Variants in MARCHF8 observed in about 807,000 individuals in gnomAD.
MARCHF8 encodes the protein E3 ubiquitin-protein ligase MARCHF8.
In MARCHF8, 40 loss-of-function variants were observed where a neutral mutation model predicts 51.6. The observed-to-expected ratio is 0.77, with a 90% CI of 0.60 to 1.01. The LOEUF (loss-of-function observed/expected upper bound fraction) is 1.01, where lower values mean the gene tolerates loss of function less well. Among genes scored for constraint, MARCHF8 ranks in the 50% least tolerant of loss-of-function variants. The probability of loss-of-function intolerance (pLI) is 0.00; values close to 1 mark genes in which losing one functional copy is unlikely to be tolerated. For missense variants in MARCHF8, 685 were observed against 708.6 expected, an observed-to-expected ratio of 0.97 and a Z score of 0.38; for synonymous variants, 263 against 280.3, an observed-to-expected ratio of 0.94 and a Z score of 0.62.
At chr10:45,517,316 A>G (rs1386539935) in intron 2 of MARCHF8, among the ~76,000 whole-genome samples, 2 of 152,230 alleles carry the variant, frequency 1.3e-5, no homozygotes, top group Non-Finnish European at 2.9e-5. Context: ...AGGGCTCAAA[A>G]TAGTTTGGAT....
chr10:45,586,280 T>G (rs1262986589), intron 1 of MARCHF8, among the ~76,000 whole-genome samples: 1 of 152,156 alleles, frequency 6.6e-6, no homozygotes, highest in Non-Finnish European at 1.5e-5. Context: ...GTTTTGGTGG[T>G]TCTAGAATTA....
intron 2 of MARCHF8, among the ~76,000 whole-genome samples, chr10:45,521,373 C>G (rs992114505): frequency 6.6e-6 from 1 of 152,178 alleles, no homozygotes; most frequent in African/African-American, 2.4e-5. Context: ...TAGAACAATG[C>G]AGCATAGCAA....
chr10:45,476,499 T>C (rs1256052888), intron 3 of MARCHF8, among the ~76,000 whole-genome samples: 4 of 152,158 alleles, frequency 2.6e-5, no homozygotes, highest in African/African-American at 9.7e-5. Flanking sequence ...GCACAGGAGT[T>C]GGAAGCTGCA....
At position 45,463,994 on chromosome 10, in the gene MARCHF8, G is replaced by T; in HGVS notation, c.245C>A (p.Ser82Tyr). Residue 82 changes from serine (S) to tyrosine (Y), a missense_variant and splice_region_variant, in exon 5 of 8, where the codon TCC becomes TAC. Physicochemically the swap from Ser to Tyr is moderately radical, Grantham distance 144. Coordinates refer to ENST00000453424, the MANE Select transcript of MARCHF8 (RefSeq NM_001282866.2). The stretch of plus-strand genomic sequence containing the variant: ...ACAACACTCAGAAAACACTGCACTG[G>T]AACTGCATGCAGAACAGTGGGATAA... ...ITPSSQDICSSSAVFSECCHH... is the reference protein window; with the variant it reads ...ITPSSQDICSYSAVFSECCHH... The T allele has an allele frequency of 6.5e-7, 1 of 1,533,880 alleles. No homozygotes were observed. The highest frequency in any genetic ancestry group is 1.2e-5 in the South Asian group (1 of 83,660).
chr10:45,492,279 C>T (rs907382072), intron 2 of MARCHF8, among the ~76,000 whole-genome samples: 5 of 150,812 alleles, frequency 3.3e-5, no homozygotes, highest in African/African-American at 9.8e-5. Flanking sequence ...TGCTCTTTTT[C>T]TTCTTCTTCT....
chr10:45,485,537 G>A (rs12773979), intron 3 of MARCHF8, among the ~76,000 whole-genome samples: 2,087 of 152,258 alleles, frequency 0.014, 26 homozygotes, highest in Middle Eastern at 0.017. Flanking sequence ...AGCCACCACA[G>A]ACCTAGCAGC....
At chr10:45,517,030 T>C (rs550562226) in intron 2 of MARCHF8, among the ~76,000 whole-genome samples, 1 of 152,284 alleles carries the variant, frequency 6.6e-6, no homozygotes, top group African/African-American at 2.4e-5. Flanking sequence ...GAACACTGGA[T>C]TGTAAAAGCA....
rs533650000 is a variant in MARCHF8, at chr10:45,585,595, G to C, written c.-79+8640C>G. ...AATGAAATAATAAAAACAAAATTCA[G>C]GGTAGCAGTTATGTCTCTGGGAACA... On this transcript the variant is annotated intron_variant, in intron 1 of 6. Transcript: ENST00000319836. 6.6e-5 allele frequency among the ~76,000 whole-genome samples: 10 copies of C among 152,258 alleles called. No individual in the cohort carries two copies. The South Asian group carries it at 2.1e-3, about 32-fold the overall frequency.
intron 1 of MARCHF8, among the ~76,000 whole-genome samples, chr10:45,569,587 C>A (rs1290157553): frequency 6.6e-6 from 1 of 152,042 alleles, no homozygotes; most frequent in Non-Finnish European, 1.5e-5. Flanking sequence ...GAAAAGGACC[C>A]TTGTTTTTCA....
intron 1 of MARCHF8, among the ~76,000 whole-genome samples, chr10:45,550,344 A>G: frequency 6.6e-6 from 1 of 152,230 alleles, no homozygotes; most frequent in Non-Finnish European, 1.5e-5. Flanking sequence ...TAACAAACAC[A>G]TGGATCTTGT....
chr10:45,539,717 T>C (rs2044024143), upstream of MARCHF8, among the ~76,000 whole-genome samples: 1 of 152,152 alleles, frequency 6.6e-6, no homozygotes, highest in South Asian at 2.1e-4. Flanking sequence ...CTAGAAAATC[T>C]AGAAGAAATG....
At chr10:45,534,164 C>T (rs1374501590) in intron 1 of MARCHF8, among the ~76,000 whole-genome samples, 1 of 151,784 alleles carries the variant, frequency 6.6e-6, no homozygotes, top group African/African-American at 2.4e-5. Flanking sequence ...GCCTGGGTAA[C>T]ACAGCGAGAC....
At chr10:45,487,324 A>C (rs148097610) in intron 3 of MARCHF8, among the ~76,000 whole-genome samples, 2 of 152,288 alleles carry the variant, frequency 1.3e-5, no homozygotes, top group East Asian at 3.9e-4. Flanking sequence ...GTTTCCTTTA[A>C]ATAAAATGTG....
intron 3 of MARCHF8, among the ~76,000 whole-genome samples, chr10:45,465,931 T>C (rs1019972307): frequency 3.3e-5 from 5 of 152,216 alleles, no homozygotes; most frequent in African/African-American, 9.6e-5. Flanking sequence ...GAAATAACCC[T>C]CCCATCACTA....
rs1842560682 is a variant in MARCHF8, at chr10:45,455,044, T to G, written c.*3195A>C. On this transcript the variant is annotated 3_prime_UTR_variant, in exon 8 of 8. Transcript: ENST00000453424. ...TCAGCCACATCCAGAGACTTGTGGA[T>G]CTCACCCGGTTGGTCCCAGCCCTTC... is the stretch of plus-strand genomic sequence containing the variant. 6.6e-6 allele frequency: 1 copy of G among 152,230 alleles called. No individual in the cohort carries two copies. Among genetic ancestry groups the G allele is most frequent in the Admixed American group, 6.5e-5 (1 of 15,284 alleles). The allele number at this position is 152,230 out of a possible 1,614,324, so 9.4% of individuals were successfully genotyped here. A position where few individuals can be genotyped will look rare whatever the true frequency, so the allele number is the denominator to read the frequency against.
At chr10:45,588,510 T>C (rs1046468114) in intron 1 of MARCHF8, among the ~76,000 whole-genome samples, 6 of 152,374 alleles carry the variant, frequency 3.9e-5, no homozygotes, top group Non-Finnish European at 5.9e-5. Context: ...TATGTACTGC[T>C]ATATTGTCTT....
chr10:45,504,284 A>G (rs2043338361), intron 2 of MARCHF8, among the ~76,000 whole-genome samples: 1 of 152,214 alleles, frequency 6.6e-6, no homozygotes, highest in Non-Finnish European at 1.5e-5. Context: ...CGTCTCTACT[A>G]AAAATACAAA....
chr10:45,470,962 G>A (rs1199487347), intron 3 of MARCHF8, among the ~76,000 whole-genome samples: 1 of 152,150 alleles, frequency 6.6e-6, no homozygotes, highest in African/African-American at 2.4e-5. Context: ...AAAGAAAAGA[G>A]GCCATTCTGT....
chr10:45,462,255 G>A (rs1024936856), intron 5 of MARCHF8: 1 of 152,306 alleles, frequency 6.6e-6, no homozygotes, highest in African/African-American at 2.4e-5. Context: ...AGGTCAGAAT[G>A]AGGAGGGCAC....
Sources: allele counts gnomAD v4.1 joint callset (sites outside exome capture counted in the v4.1 genomes callset), GRCh38; gene constraint gnomAD v4.1.1; transcripts MANE v1.5; gene names NCBI Gene and HGNC (gene_info 2026-07-23, HGNC 2026-07-21).